BRINP1: variants seen among roughly 807,000 people sequenced by gnomAD.
BRINP1 encodes BMP/retinoic acid inducible neural specific 1, also known as BMP/retinoic acid-inducible neural-specific protein 1.
A neutral mutation model predicts 72.9 loss-of-function variants in BRINP1; 17 were observed. That is an observed-to-expected ratio of 0.23 (90% CI 0.16 to 0.35). The LOEUF is 0.35. Ranked by LOEUF, BRINP1 falls within the 10% of genes least tolerant of loss-of-function variation. BRINP1 has a pLI of 1.00. For synonymous variants in BRINP1, 418 were observed against 378.5 expected (o/e 1.10, Z -1.21); for missense variants, 850 against 1,001.6 (o/e 0.85, Z 2.04).
At chr9:119,233,852 G>A (rs1228461708) in intron 5 of BRINP1, among the ~76,000 whole-genome samples, 1 of 151,992 alleles carries the variant, frequency 6.6e-6, no homozygotes, top group African/African-American at 2.4e-5. Flanking sequence ...CCGTGTATTT[G>A]TTTTTACTTT....
At chr9:119,281,295 A>G (rs111893698) in intron 2 of BRINP1, among the ~76,000 whole-genome samples, 25 of 152,272 alleles carry the variant, frequency 1.6e-4, no homozygotes, top group African/African-American at 5.8e-4. Flanking sequence ...AGAAAGTTGG[A>G]CCTGGTTGCA....
intron 1 of BRINP1, among the ~76,000 whole-genome samples, chr9:119,321,024 G>A (rs534621355): frequency 1.3e-5 from 2 of 151,868 alleles, no homozygotes; most frequent in South Asian, 2.1e-4. Flanking sequence ...TCCGCCTCCC[G>A]GGTTCACGCC....
In BRINP1 at chr9:119,300,848, G is replaced by T. The variant is rs188690496; in HGVS notation, c.218+12290C>A. On this transcript the variant is annotated intron_variant, in intron 2 of 7. Transcript: ENST00000265922. ...TGCTATATCAGAAACTACAGCTATTGATTACCTACACCTTCTTTCTTAAAA... is the reference window on the plus strand; with the variant it reads ...TGCTATATCAGAAACTACAGCTATTTATTACCTACACCTTCTTTCTTAAAA... Among the ~76,000 whole-genome samples, 168 of 152,218 alleles carry T rather than the reference G, an allele frequency of 1.1e-3. 1 individual carries two copies. The highest frequency in any genetic ancestry group is 4.4e-3 in the South Asian group (21 of 4,822).
chr9:119,290,595 G>A (rs1382063522), intron 2 of BRINP1, among the ~76,000 whole-genome samples: 1 of 152,138 alleles, frequency 6.6e-6, no homozygotes, highest in African/African-American at 2.4e-5. Context: ...GGAGTTTGAA[G>A]GAGAGATGAA....
chr9:119,254,717 A>C (rs1422413688), intron 2 of BRINP1, among the ~76,000 whole-genome samples: 3 of 152,242 alleles, frequency 2.0e-5, no homozygotes, highest in Admixed American at 1.3e-4. Flanking sequence ...AGGTCCAGGT[A>C]GTAAATATTT....
chr9:119,200,636 GA>G (rs774466695), intron 7 of BRINP1, among the ~76,000 whole-genome samples: 13,503 of 121,148 alleles, frequency 0.11, 1,182 homozygotes, highest in African/African-American at 0.27. Flanking sequence ...GAAAAAAAAA[GA>G]AAAAAAAAAA....
At chr9:119,199,127 T>C (rs1396684169) in intron 7 of BRINP1, among the ~76,000 whole-genome samples, 3 of 152,200 alleles carry the variant, frequency 2.0e-5, no homozygotes, top group African/African-American at 7.2e-5. Context: ...CAGGTAGGTT[T>C]GGAGACTTTT....
chr9:119,360,072 G>T (rs1831613194), intron 1 of BRINP1, among the ~76,000 whole-genome samples: 1 of 152,170 alleles, frequency 6.6e-6, no homozygotes, highest in South Asian at 2.1e-4. Flanking sequence ...GGCTTCACTG[G>T]ACTTTCAATG....
At chr9:119,255,386 A>C (rs1408643069) in intron 2 of BRINP1, among the ~76,000 whole-genome samples, 1 of 152,234 alleles carries the variant, frequency 6.6e-6, no homozygotes, top group Non-Finnish European at 1.5e-5. Context: ...GGGTGTCTGC[A>C]GCAAGGGCCA....
chr9:119,299,078 C>T (rs1176010526), intron 2 of BRINP1, among the ~76,000 whole-genome samples: 3 of 152,032 alleles, frequency 2.0e-5, no homozygotes, highest in Non-Finnish European at 4.4e-5. Flanking sequence ...GGTAAGAAAG[C>T]TTAAAATCTA....
At chr9:119,250,476 C>T (rs1238628964) in intron 2 of BRINP1, among the ~76,000 whole-genome samples, 1 of 152,212 alleles carries the variant, frequency 6.6e-6, no homozygotes, top group Non-Finnish European at 1.5e-5. Context: ...ACCTACATTT[C>T]TTCATCTATA....
At chr9:119,195,217 C>T (rs1430301817) in intron 7 of BRINP1, among the ~76,000 whole-genome samples, 1 of 152,122 alleles carries the variant, frequency 6.6e-6, no homozygotes, top group Non-Finnish European at 1.5e-5. Flanking sequence ...TGCTCACCCC[C>T]CTACCACTTG....
At chr9:119,344,145 T>C (rs1190318790) in intron 1 of BRINP1, among the ~76,000 whole-genome samples, 1 of 152,170 alleles carries the variant, frequency 6.6e-6, no homozygotes, top group Non-Finnish European at 1.5e-5. Flanking sequence ...CCCTAAGTAA[T>C]TGGTTTAACA....
chr9:119,241,992 A>AT, intron 4 of BRINP1, 55 bp downstream of exon 4: 1 of 1,554,678 alleles, frequency 6.4e-7, no homozygotes, highest in Admixed American at 1.8e-5. Flanking sequence ...GAATGCCTGC[A>AT]TTGCAGTGTT....
intron 2 of BRINP1, among the ~76,000 whole-genome samples, chr9:119,294,851 G>A (rs1165993936): frequency 5.7e-5 from 4 of 69,756 alleles, no homozygotes; most frequent in Admixed American, 1.6e-4. Context: ...GTGACACTAC[G>A]TTAAAAAAAA....
chr9:119,182,464 C>G (rs1162053610), intron 7 of BRINP1, among the ~76,000 whole-genome samples: 1 of 152,180 alleles, frequency 6.6e-6, no homozygotes, highest in Non-Finnish European at 1.5e-5. Flanking sequence ...GTATACCCCT[C>G]CCCCAAATTT....
At chr9:119,349,521 C>A (rs577615205) in intron 1 of BRINP1, among the ~76,000 whole-genome samples, 2 of 152,056 alleles carry the variant, frequency 1.3e-5, no homozygotes, top group African/African-American at 2.4e-5. Context: ...TGGATTGGTG[C>A]GGTACACTTG....
intron 7 of BRINP1, among the ~76,000 whole-genome samples, chr9:119,186,405 G>A (rs758064475): frequency 6.6e-6 from 1 of 152,178 alleles, no homozygotes; most frequent in Non-Finnish European, 1.5e-5. Flanking sequence ...CCAGGAAACT[G>A]AAGCTTTGAC....
chr9:119,197,985 G>A (rs1220017622), intron 7 of BRINP1, among the ~76,000 whole-genome samples: 1 of 152,108 alleles, frequency 6.6e-6, no homozygotes, highest in Non-Finnish European at 1.5e-5. Flanking sequence ...AAAAAAATCT[G>A]CAAACATTTG....
Sources: gnomAD v4.1 joint callset for allele counts (sites outside exome capture counted in the v4.1 genomes callset) on GRCh38, gnomAD v4.1.1 for gene constraint, MANE v1.5 for transcripts, NCBI Gene and HGNC (gene_info 2026-07-23, HGNC 2026-07-21) for gene names.